AHRR: variants seen among roughly 807,000 people sequenced by gnomAD.
AHRR encodes the protein aryl hydrocarbon receptor repressor, also known as ahR repressor.
In AHRR, 28 loss-of-function variants were observed where a neutral mutation model predicts 44.0. That is an observed-to-expected ratio of 0.64 (90% CI 0.47 to 0.87). AHRR has a LOEUF of 0.87. Ranked by LOEUF, AHRR falls within the 40% of genes least tolerant of loss-of-function variation. AHRR has a pLI of 0.00. For synonymous variants in AHRR, 434 were observed against 407.0 expected, an observed-to-expected ratio of 1.07 and a Z score of -0.80; for missense variants, 990 against 953.9, an observed-to-expected ratio of 1.04 and a Z score of -0.50.
At chr5:352,063 C>T (rs765148701) in intron 2 of AHRR, among the ~76,000 whole-genome samples, 21 of 152,278 alleles carry the variant, frequency 1.4e-4, no homozygotes, top group Non-Finnish European at 1.5e-4. Flanking sequence ...CTGGCCCCTG[C>T]TCAGTCTCCC....
At chr5:328,807 A>G (rs1185895388) in intron 1 of AHRR, among the ~76,000 whole-genome samples, 1 of 152,170 alleles carries the variant, frequency 6.6e-6, no homozygotes, top group Non-Finnish European at 1.5e-5. Flanking sequence ...TGTTGGATGA[A>G]TAGTTTGCAA....
At chr5:389,798 A>G (rs1245259961) in intron 4 of AHRR, among the ~76,000 whole-genome samples, 1 of 151,416 alleles carries the variant, frequency 6.6e-6, no homozygotes, top group Non-Finnish European at 1.5e-5. Flanking sequence ...TTAAGGAAAG[A>G]GGCCACCGTG....
intron 4 of AHRR, among the ~76,000 whole-genome samples, chr5:381,292 T>G (rs1192339259): frequency 1.3e-5 from 2 of 152,308 alleles, no homozygotes; most frequent in East Asian, 1.9e-4. Flanking sequence ...ACACTTGAAA[T>G]GAACCATCAC....
chr5:417,388 A>C (rs528218482), intron 5 of AHRR, among the ~76,000 whole-genome samples: 1 of 145,440 alleles, frequency 6.9e-6, no homozygotes, highest in Admixed American at 6.9e-5. Flanking sequence ...GCAGGGCCCG[A>C]GTTTAGAGAA....
At chr5:416,523 C>A (rs117195342) in intron 5 of AHRR, among the ~76,000 whole-genome samples, 1 of 152,188 alleles carries the variant, frequency 6.6e-6, no homozygotes, top group African/African-American at 2.4e-5. Context: ...CTGTCATCTC[C>A]TGATGCGCCC....
intron 8 of AHRR, 96 bp from the exon 9 acceptor site, chr5:432,367 C>A: frequency 1.7e-6 from 2 of 1,175,240 alleles, no homozygotes; most frequent in Non-Finnish European, 2.5e-6. Flanking sequence ...GACAGCAATA[C>A]CTGTCATTAT....
chr5:406,075 C>T lies in AHRR; in HGVS notation c.352-7269C>T, dbSNP rs1735242901. 1.3e-5 allele frequency among the ~76,000 whole-genome samples: 2 copies of T among 151,902 alleles called. No individual in the cohort carries two copies. Among genetic ancestry groups the T allele is most frequent in the Non-Finnish European group, 2.9e-5 (2 of 67,950 alleles). On this transcript the variant is annotated intron_variant, in intron 4 of 10. Coordinates refer to ENST00000684583, the MANE Select transcript of AHRR (RefSeq NM_001377236.1). This position sits in a 1 kb window ranked among gnomAD's most constrained non-coding sequence, Gnocchi z 4.7. ...CCCGAAAAAGGTAGAAATTCTGCAA[C>T]AAAATTAACTGGGGAAAAAAAAACT...
At position 388,802 on chromosome 5, in the gene AHRR, G is replaced by A. The variant is rs766560688; in HGVS notation, c.351+12086G>A. On this transcript the variant is annotated intron_variant, in intron 4 of 10. Transcript: ENST00000684583. This position sits in a 1 kb window ranked among gnomAD's most constrained non-coding sequence, Gnocchi z 5.2. ...AGCCACTGGGCAGAGGTTCCGTCCC[G>A]CTGGCTGGATGGAAACAGGAAGCTG... Among the ~76,000 whole-genome samples the A allele has an allele frequency of 7.2e-5, 11 of 152,226 alleles. No homozygotes were observed. The highest frequency in any genetic ancestry group is 2.4e-4 in the African/African-American group (10 of 41,452).
At chr5:345,323 T>G (rs1439772015) in intron 2 of AHRR, among the ~76,000 whole-genome samples, 6 of 51,216 alleles carry the variant, frequency 1.2e-4, no homozygotes, top group Admixed American at 1.7e-4. Context: ...TGTGTGTGTG[T>G]GTGTGTGTGG....
At chr5:356,536 C>T (rs1158770918) in intron 3 of AHRR, among the ~76,000 whole-genome samples, 39 of 107,448 alleles carry the variant, frequency 3.6e-4, no homozygotes, top group Non-Finnish European at 4.9e-4. Flanking sequence ...GAAGAGCGCC[C>T]GGGAGTGGAG....
At chr5:427,735 G>T (rs1327983125) in intron 7 of AHRR, 72 bp from the exon 8 acceptor site, 1 of 1,613,176 alleles carries the variant, frequency 6.2e-7, no homozygotes, top group Non-Finnish European at 8.5e-7. Flanking sequence ...GCGCCCTTGA[G>T]TTCTGTGTCC....
At position 411,524 on chromosome 5, in the gene AHRR, GACAT is replaced by G. The variant is rs1399490653; in HGVS notation, c.352-1814_352-1811del. ...AACCCTAATAGAAAAATTAGCACAT[GACAT>G]ACATAGGGCAGTTTTCCAAAGAAGA... On this transcript the variant is annotated intron_variant, in intron 4 of 10. Coordinates refer to ENST00000684583, the MANE Select transcript of AHRR (RefSeq NM_001377236.1). The surrounding 1 kb of genome is among the most constrained non-coding windows in gnomAD (Gnocchi z 4.2). Among the ~76,000 whole-genome samples, 3 of 152,002 alleles carry G rather than the reference GACAT, an allele frequency of 2.0e-5. No homozygotes were observed. Among genetic ancestry groups the G allele is most frequent in the African/African-American group, 7.2e-5 (3 of 41,400 alleles).
At chr5:377,178 G>C (rs950731626) in intron 4 of AHRR, among the ~76,000 whole-genome samples, 4 of 152,110 alleles carry the variant, frequency 2.6e-5, no homozygotes, top group African/African-American at 9.7e-5. Flanking sequence ...CTGTGGTGAG[G>C]GGGCTTTTCA....
chr5:376,557 A>AACGCGGAGAAACACAGGAAAGAT (rs368685976), intron 3 of AHRR, 53 bp from the exon 4 acceptor site: 5 of 1,429,200 alleles, frequency 3.5e-6, no homozygotes, highest in Admixed American at 2.2e-5. Flanking sequence ...AATGAAGAAG[A>AACGCGGAGAAACACAGGAAAGAT]GTGGCCAGGC....
intron 5 of AHRR, among the ~76,000 whole-genome samples, chr5:415,364 TCCC>T (rs1560915776): frequency 7.1e-6 from 1 of 140,004 alleles, no homozygotes; most frequent in Non-Finnish European, 1.6e-5. Context: ...GGGCCGAGTC[TCCC>T]TGGTCGGGTG....
intron 7 of AHRR, among the ~76,000 whole-genome samples, chr5:426,203 T>A (rs115591543): frequency 0.015 from 2,322 of 152,328 alleles, 40 homozygotes; most frequent in African/African-American, 0.042. Flanking sequence ...CATGGACAGA[T>A]GGAAAGATGG....
chr5:405,948 G>A lies in AHRR; in HGVS notation c.352-7396G>A, dbSNP rs560414922. Among the ~76,000 whole-genome samples, 58 of 152,266 alleles carry A rather than the reference G, an allele frequency of 3.8e-4. 1 individual carries two copies. In the East Asian group the frequency reaches 0.01, roughly 27 times the overall value. ...TGTGGCAGCGTCCAGGGAAGAACACGCAGCCTCTGGTTTGAACTGGACCCT... is the reference window on the plus strand; with the variant it reads ...TGTGGCAGCGTCCAGGGAAGAACACACAGCCTCTGGTTTGAACTGGACCCT... On this transcript the variant is annotated intron_variant, in intron 4 of 10. Coordinates refer to ENST00000684583, the MANE Select transcript of AHRR (RefSeq NM_001377236.1). This position sits in a 1 kb window ranked among gnomAD's most constrained non-coding sequence, Gnocchi z 4.5.
At chr5:378,957 C>T (rs1314930230) in intron 4 of AHRR, among the ~76,000 whole-genome samples, 3 of 152,204 alleles carry the variant, frequency 2.0e-5, no homozygotes, top group African/African-American at 4.8e-5. Flanking sequence ...TCATTCTTTT[C>T]GGCATTCAGT....
At chr5:425,685 A>G (rs1268244271) in intron 7 of AHRR, among the ~76,000 whole-genome samples, 2 of 152,278 alleles carry the variant, frequency 1.3e-5, no homozygotes, top group East Asian at 3.8e-4. Context: ...CCACTGGAAT[A>G]TAGTTTAAAA....
Sources: gnomAD v4.1 joint callset for allele counts (sites outside exome capture counted in the v4.1 genomes callset) on GRCh38, gnomAD v4.1.1 for gene constraint, Gnocchi (gnomAD v3.1) non-coding constraint, MANE v1.5 for transcripts, NCBI Gene and HGNC (gene_info 2026-07-23, HGNC 2026-07-21) for gene names.